The following FBXO10 variants were observed in gnomAD, a reference collection of about 807,000 sequenced individuals.
FBXO10 encodes F-box only protein 10.
FBXO10 carries 39 observed loss-of-function variants against 80.7 expected under a neutral mutation model. That is an observed-to-expected ratio of 0.48 (90% CI 0.37 to 0.63). The LOEUF is 0.63. Ranked by LOEUF, FBXO10 falls within the 30% of genes least tolerant of loss-of-function variation. The probability of loss-of-function intolerance (pLI) is 0.00; values close to 1 mark genes in which losing one functional copy is unlikely to be tolerated. For missense variants in FBXO10, 1,025 were observed against 1,269.0 expected, an observed-to-expected ratio of 0.81 and a Z score of 2.92; for synonymous variants, 449 against 489.6, an observed-to-expected ratio of 0.92 and a Z score of 1.09.
In FBXO10 at chr9:37,522,987, G is replaced by C. The variant is rs766431893; in HGVS notation, c.1778-10C>G. ...TCACGGATGACATTTTCTATGGAGA[G>C]AAGCAGAAAAGAAGGTCAGTACCCA... On this transcript the variant is annotated splice_polypyrimidine_tract_variant and intron_variant, in intron 6 of 10. Transcript: ENST00000432825. 9 of 1,587,702 alleles carry C rather than the reference G, an allele frequency of 5.7e-6. No homozygotes were observed. The highest frequency in any genetic ancestry group is 1.3e-5 in the African/African-American group (1 of 74,414).
intron 2 of FBXO10, 43 bp from the exon 3 acceptor site, chr9:37,537,986 T>C: frequency 6.0e-6 from 9 of 1,497,798 alleles, no homozygotes; most frequent in Non-Finnish European, 8.3e-6. Context: ...AGGGATGAGA[T>C]TGGTTTTGGA....
chr9:37,539,036 G>A (rs1289454676), intron 2 of FBXO10, among the ~76,000 whole-genome samples: 1 of 152,102 alleles, frequency 6.6e-6, no homozygotes, highest in Non-Finnish European at 1.5e-5. Flanking sequence ...CTCTATTCCT[G>A]AAAAAGAGCT....
At position 37,542,903 on chromosome 9, in the gene FBXO10, G is replaced by A. The variant is rs943096930; in HGVS notation, c.-6-1129C>T. Among the ~76,000 whole-genome samples the A allele has an allele frequency of 3.3e-5, 5 of 152,270 alleles. No individual in the cohort carries two copies. The South Asian group carries it at 8.3e-4, about 25-fold the overall frequency. ...CTAGAAGAGTCTGGACTTCTAAGAG[G>A]GAACCCACCTTTGGCTGTTAGGGTC... On this transcript the variant is annotated intron_variant, in intron 1 of 10. Transcript: ENST00000432825.
Position 37,521,580 on chromosome 9 carries a change from T to C in FBXO10, c.2189A>G (p.Asn730Ser). The change falls in exon 8 of 11, where the codon AAT becomes AGT. Residue 730 changes from asparagine to serine, a missense_variant. Physicochemically the swap from Asn to Ser is conservative, Grantham distance 46 (BLOSUM62 1). Transcript: ENST00000432825. ...GGGGGTATACTCACCTCCATTGTGA[T>C]TAATACTGTTAGACTCAACAAGAGC... The part of the protein sequence containing the change: ...TIALVESNSI[N>S]HNGASGLYVQ... 1.2e-6 allele frequency: 2 copies of C among 1,611,048 alleles called. No individual in the cohort carries two copies. Among genetic ancestry groups the C allele is most frequent in the Non-Finnish European group, 1.7e-6 (2 of 1,178,114 alleles).
In FBXO10 at chr9:37,522,300, A is replaced by G. The variant is rs188774552; in HGVS notation, c.1931-462T>C. On this transcript the variant is annotated intron_variant, in intron 7 of 10. Transcript: ENST00000432825. ...ACCGTGCCTCCTTCAGAAGGCAGTC[A>G]TGAGGATTAAATGTGATCATGCATA... The G allele has an allele frequency of 6.8e-5, 66 of 967,164 alleles. No homozygotes were observed. In the East Asian group the frequency reaches 6.5e-3, roughly 95 times the overall value. The allele number at this position is 967,164 out of a possible 1,614,324, so 59.9% of individuals were successfully genotyped here.
intron 1 of FBXO10, among the ~76,000 whole-genome samples, chr9:37,544,057 AG>A (rs1359862607): frequency 6.6e-6 from 1 of 152,222 alleles, no homozygotes; most frequent in Non-Finnish European, 1.5e-5. Flanking sequence ...ACTTGAGGTC[AG>A]GAGTTCAAGA....
Position 37,512,661 on chromosome 9 carries a change from T to C in FBXO10, c.2757A>G (p.Arg919=). 1.2e-6 allele frequency: 2 copies of C among 1,613,938 alleles called. No individual in the cohort carries two copies. The highest frequency in any genetic ancestry group is 1.7e-6 in the Non-Finnish European group (2 of 1,179,902). Reference sequence around the variant, plus strand: ...GCCCATTGTGGGCTGCCGAGGGACGTCTGAGAGAATTTTCAAGGTGGGGCC... The same window carrying C: ...GCCCATTGTGGGCTGCCGAGGGACGCCTGAGAGAATTTTCAAGGTGGGGCC... ...PARPHLENSL[R]RPSAAHNGQK... The change falls in exon 11 of 11, where the codon AGA becomes AGG. Residue 919 remains arginine, a synonymous_variant. Coordinates refer to ENST00000432825, the MANE Select transcript of FBXO10 (RefSeq NM_012166.3).
Position 37,512,736 on chromosome 9 carries a change from CGA to C in FBXO10, c.2697-17_2697-16del, listed in dbSNP as rs1264512668. 6.2e-7 allele frequency: 1 copy of C among 1,609,634 alleles called. No homozygotes were observed. The highest frequency in any genetic ancestry group is 8.5e-7 in the Non-Finnish European group (1 of 1,177,238). Reference sequence around the variant, plus strand: ...ACGTATCAGACCTGGAGGTGCAAAACGAAAGTCAGTGAACTTCTGAGGGGTGT... The same window carrying C: ...ACGTATCAGACCTGGAGGTGCAAAACAAGTCAGTGAACTTCTGAGGGGTGT... On this transcript the variant is annotated splice_polypyrimidine_tract_variant and intron_variant, in intron 10 of 10. Transcript: ENST00000432825.
chr9:37,553,018 G>C (rs936449256), intron 1 of FBXO10, among the ~76,000 whole-genome samples: 55 of 93,862 alleles, frequency 5.9e-4, no homozygotes, highest in African/African-American at 2.7e-3. Flanking sequence ...CAGGTTGTGT[G>C]TGTGTGTGTG....
chr9:37,547,606 T>C (rs191965806), intron 1 of FBXO10, among the ~76,000 whole-genome samples: 6 of 151,780 alleles, frequency 4.0e-5, no homozygotes, highest in African/African-American at 1.5e-4. Context: ...GCAAGACTCT[T>C]ATCTCAAAAA....
At chr9:37,573,384 C>G (rs73441341) in intron 1 of FBXO10, among the ~76,000 whole-genome samples, 7 of 152,046 alleles carry the variant, frequency 4.6e-5, no homozygotes, top group Non-Finnish European at 8.8e-5. Context: ...TGGCTGAGCA[C>G]GCAAGCATAA....
At chr9:37,513,137 TC>T (rs1440486569) in intron 10 of FBXO10, among the ~76,000 whole-genome samples, 2 of 152,134 alleles carry the variant, frequency 1.3e-5, no homozygotes, top group African/African-American at 2.4e-5. Context: ...AGCCGACTTC[TC>T]CACTTTAAAT....
In FBXO10 at chr9:37,543,153, T is replaced by C. The variant is rs140428201; in HGVS notation, c.-6-1379A>G. On this transcript the variant is annotated intron_variant, in intron 1 of 10. Transcript: ENST00000432825. ...GCCATTGGTTATCCTGAGCAGTTAA[T>C]TGGTTATTCTGAACACCTATGGGCT... Among the ~76,000 whole-genome samples, 10 of 152,318 alleles carry C rather than the reference T, an allele frequency of 6.6e-5. No homozygotes were observed. The East Asian group carries it at 1.9e-3, about 29-fold the overall frequency.
chr9:37,555,037 C>T (rs1588853200), intron 1 of FBXO10, among the ~76,000 whole-genome samples: 2 of 152,148 alleles, frequency 1.3e-5, no homozygotes, highest in South Asian at 4.2e-4. Flanking sequence ...AACACAGTTG[C>T]TCCACATTTG....
At chr9:37,531,254 C>T (rs1821615165) in intron 4 of FBXO10, among the ~76,000 whole-genome samples, 1 of 152,130 alleles carries the variant, frequency 6.6e-6, no homozygotes. Context: ...TTTCCCAACT[C>T]CTAGGAAATC....
rs1040598261 is a variant in FBXO10 at position 37,537,941 on chromosome 9, T to G, written c.588A>C (p.Thr196=). 2 of 1,611,440 alleles carry G rather than the reference T, an allele frequency of 1.2e-6. No homozygotes were observed. The highest frequency in any genetic ancestry group is 1.7e-6 in the Non-Finnish European group (2 of 1,178,158). The change falls in exon 3 of 11, where the codon ACA becomes ACC. Residue 196 remains threonine, a splice_region_variant and synonymous_variant. Coordinates refer to ENST00000432825, the MANE Select transcript of FBXO10 (RefSeq NM_012166.3). ...PAWFSPIMYK[T]TSGHVQFDNC... is the part of the protein sequence containing the mutation. ...TGTCAAACTGGACGTGACCTGATGTTGTCTGGGGAATGAAAAGAAGAAAAC... is the reference window on the plus strand; with the variant it reads ...TGTCAAACTGGACGTGACCTGATGTGGTCTGGGGAATGAAAAGAAGAAAAC...
intron 1 of FBXO10, among the ~76,000 whole-genome samples, chr9:37,560,630 C>CTTTTT (rs1335429403): frequency 8.7e-5 from 9 of 103,228 alleles, no homozygotes; most frequent in South Asian, 5.8e-4. Flanking sequence ...CAAGGTAACA[C>CTTTTT]TTTTTATTTT....
At chr9:37,530,647 G>A (rs946670043) in intron 4 of FBXO10, among the ~76,000 whole-genome samples, 1 of 152,130 alleles carries the variant, frequency 6.6e-6, no homozygotes, top group Non-Finnish European at 1.5e-5. Flanking sequence ...ACAGGGTCTC[G>A]CTCTGTTGCC....
chr9:37,550,635 C>A (rs1822177014), intron 1 of FBXO10, among the ~76,000 whole-genome samples: 2 of 151,806 alleles, frequency 1.3e-5, no homozygotes, highest in Admixed American at 6.6e-5. Flanking sequence ...CTGCACCACA[C>A]ACCTGGCTAA....
Sources: gnomAD v4.1 joint callset for allele counts (sites outside exome capture counted in the v4.1 genomes callset) on GRCh38, gnomAD v4.1.1 for gene constraint, MANE v1.5 for transcripts, NCBI Gene and HGNC (gene_info 2026-07-23, HGNC 2026-07-21) for gene names.